Variants in MTREX observed in about 807,000 individuals in gnomAD.
The protein encoded by MTREX is exosome RNA helicase MTR4.
MTREX carries 76 observed loss-of-function variants against 135.4 expected under a neutral mutation model. The ratio of observed to expected loss-of-function variants is 0.56; its 90% confidence interval spans 0.47 to 0.68. MTREX has a LOEUF of 0.68. Ranked by LOEUF, MTREX falls within the 30% of genes least tolerant of loss-of-function variation. The probability of loss-of-function intolerance (pLI) is 0.00; values close to 1 mark genes in which losing one functional copy is unlikely to be tolerated. For missense variants in MTREX, 920 were observed against 1,262.1 expected, an observed-to-expected ratio of 0.73 and a Z score of 4.11; for synonymous variants, 404 against 401.6, an observed-to-expected ratio of 1.01 and a Z score of -0.07.
intron 6 of MTREX, 42 bp from the exon 7 acceptor site, chr5:55,341,639 T>C (rs1229205019): frequency 2.7e-5 from 29 of 1,083,732 alleles, no homozygotes; most frequent in African/African-American, 4.8e-5. Flanking sequence ...TTAGCTGTTA[T>C]GTCAGAATCC....
chr5:55,422,921 A>G lies in MTREX; in HGVS notation c.3015A>G (p.Arg1005=). 1 of 1,614,132 alleles carries G rather than the reference A, an allele frequency of 6.2e-7. No individual in the cohort carries two copies. The highest frequency in any genetic ancestry group is 1.3e-5 in the African/African-American group (1 of 75,050). The change falls in exon 26 of 27, where the codon CGA becomes CGG. Residue 1005 remains arginine, a synonymous_variant. Transcript: ENST00000230640. Reference sequence around the variant, plus strand: ...TGAGGCGCCTGGAAGAATTGCTTCGACAAATGTGTCAAGCAGCAAAAGCCA... The same window carrying G: ...TGAGGCGCCTGGAAGAATTGCTTCGGCAAATGTGTCAAGCAGCAAAAGCCA... ...RCMRRLEELL[R]QMCQAAKAIG...
intron 16 of MTREX, among the ~76,000 whole-genome samples, chr5:55,375,556 T>C (rs1280857148): frequency 6.6e-6 from 1 of 152,228 alleles, no homozygotes; most frequent in East Asian, 1.9e-4. Context: ...ATCCTGTTCT[T>C]TTTTCAAGGT....
At chr5:55,335,596 T>C (rs1749542061) in intron 5 of MTREX, among the ~76,000 whole-genome samples, 2 of 152,112 alleles carry the variant, frequency 1.3e-5, no homozygotes, top group African/African-American at 4.8e-5. Context: ...AAATTACTCG[T>C]AAATTGTGTA....
chr5:55,381,071 G>A (rs189826435), intron 18 of MTREX, among the ~76,000 whole-genome samples: 2 of 152,026 alleles, frequency 1.3e-5, no homozygotes, highest in Non-Finnish European at 2.9e-5. Flanking sequence ...ACAGTTATTC[G>A]TAGTATTATT....
chr5:55,330,726 T>G (rs1749462598), intron 5 of MTREX, among the ~76,000 whole-genome samples: 1 of 151,992 alleles, frequency 6.6e-6, no homozygotes, highest in South Asian at 2.1e-4. Context: ...GTGGATTTAT[T>G]ATAGTTTTCA....
intron 1 of MTREX, among the ~76,000 whole-genome samples, chr5:55,314,143 T>C (rs977927728): frequency 2.0e-5 from 3 of 152,218 alleles, no homozygotes; most frequent in Non-Finnish European, 4.4e-5. Context: ...ATTTTATCTT[T>C]GGAATAGATT....
chr5:55,313,338 G>A (rs1246085140), intron 1 of MTREX, among the ~76,000 whole-genome samples: 1 of 152,060 alleles, frequency 6.6e-6, no homozygotes, highest in Non-Finnish European at 1.5e-5. Context: ...TAGTCAGGAG[G>A]CTGAGGTTGG....
intron 21 of MTREX, among the ~76,000 whole-genome samples, chr5:55,403,886 A>C (rs563902182): frequency 1.8e-4 from 27 of 152,306 alleles, no homozygotes; most frequent in South Asian, 1.7e-3. Flanking sequence ...AATATAAATA[A>C]TTGAAAAGAG....
At position 55,366,870 on chromosome 5, in the gene MTREX, T is replaced by A. The variant is rs1211302139; in HGVS notation, c.1805T>A (p.Val602Glu). ...FQHYRAIPGV[V>E]EKVKNSEEQY... Reference sequence around the variant, plus strand: ...CATTATAGAGCAATTCCAGGAGTAGTAGAGAGTAAGTATAAAATACCATAA... The same window carrying A: ...CATTATAGAGCAATTCCAGGAGTAGAAGAGAGTAAGTATAAAATACCATAA... The change falls in exon 16 of 27, where the codon GTA (valine) becomes GAA (glutamate). Residue 602 changes from valine to glutamate, a missense_variant. Val to Glu is a moderately radical substitution (Grantham distance 121). Coordinates refer to ENST00000230640, the MANE Select transcript of MTREX (RefSeq NM_015360.5). 1 of 1,603,814 alleles carries A rather than the reference T, an allele frequency of 6.2e-7. No individual in the cohort carries two copies. The highest frequency in any genetic ancestry group is 8.5e-7 in the Non-Finnish European group (1 of 1,174,818).
chr5:55,381,143 GTTTAAATC>G (rs1332316374), intron 18 of MTREX, among the ~76,000 whole-genome samples: 1 of 152,030 alleles, frequency 6.6e-6, no homozygotes, highest in Admixed American at 6.6e-5. Flanking sequence ...TGACCTAGTA[GTTTAAATC>G]TTTCTTCTGG....
chr5:55,332,661 TG>T (rs1749496015), intron 5 of MTREX, among the ~76,000 whole-genome samples: 1 of 152,216 alleles, frequency 6.6e-6, no homozygotes, highest in East Asian at 1.9e-4. Flanking sequence ...TCCTTTTAAC[TG>T]GGGCCCACCC....
intron 22 of MTREX, among the ~76,000 whole-genome samples, 196 bp from the exon 23 acceptor site, chr5:55,410,328 A>C (rs559251701): frequency 6.0e-4 from 91 of 152,204 alleles, no homozygotes; most frequent in Middle Eastern, 3.4e-3. Context: ...TGAAATCCCC[A>C]TTTTACATTG....
At chr5:55,345,019 A>G (rs1749707353) in intron 9 of MTREX, 75 bp from the exon 10 acceptor site, 1 of 816,994 alleles carries the variant, frequency 1.2e-6, no homozygotes. Flanking sequence ...TATTTGGGGA[A>G]GCCTTATGTA....
At position 55,327,557 on chromosome 5, in the gene MTREX, T is replaced by G. The variant is rs554548955; in HGVS notation, c.340-159T>G. On this transcript the variant is annotated intron_variant, in intron 3 of 26. Coordinates refer to ENST00000230640, the MANE Select transcript of MTREX (RefSeq NM_015360.5). ...TGAAACTAGCTTTTTGCCTTGTTCT[T>G]AAAGACAGTTATTTGATTTACAGTG... The G allele has an allele frequency of 6.9e-6, 4 of 576,794 alleles. 1 individual carries two copies. The South Asian group carries it at 9.4e-5, about 14-fold the overall frequency. 35.7% of individuals were successfully genotyped at this position (576,794 alleles called of 1,614,324 possible). A position where few individuals can be genotyped will look rare whatever the true frequency, so the allele number is the denominator to read the frequency against.
intron 22 of MTREX, 23 bp downstream of exon 22, chr5:55,405,611 G>T: frequency 1.3e-6 from 2 of 1,547,886 alleles, no homozygotes; most frequent in Non-Finnish European, 1.7e-6. Flanking sequence ...TATTGTTCTA[G>T]AAAGTTCATT....
At chr5:55,319,460 G>A (rs1394827557) in intron 1 of MTREX, among the ~76,000 whole-genome samples, 2 of 152,142 alleles carry the variant, frequency 1.3e-5, no homozygotes, top group African/African-American at 4.8e-5. Context: ...TGTAATTACA[G>A]GCTAGTTATC....
rs186744984 is a variant in MTREX at position 55,418,132 on chromosome 5, G to A, written c.2971+2000G>A. Among the ~76,000 whole-genome samples, 45 of 150,842 alleles carry A rather than the reference G, an allele frequency of 3.0e-4. 1 individual carries two copies. The East Asian group carries it at 8.4e-3, about 28-fold the overall frequency. On this transcript the variant is annotated intron_variant, in intron 25 of 26. Coordinates refer to ENST00000230640, the MANE Select transcript of MTREX (RefSeq NM_015360.5). ...GCCTGTAGTCCCAGCTACTCGGGAG[G>A]CTGAGGCAGGAGAATGGCGTGAACC...
chr5:55,390,085 C>T (rs1174009450), intron 19 of MTREX, among the ~76,000 whole-genome samples: 2 of 151,884 alleles, frequency 1.3e-5, no homozygotes, highest in Middle Eastern at 3.2e-3. Flanking sequence ...TTTTTATCAG[C>T]GTTTATAGAA....
intron 5 of MTREX, among the ~76,000 whole-genome samples, chr5:55,331,972 GTAT>G (rs1749484037): frequency 6.6e-6 from 1 of 152,044 alleles, no homozygotes; most frequent in African/African-American, 2.4e-5. Context: ...GATGTTTTCT[GTAT>G]TATTTTTAAT....
Sources: gnomAD v4.1 joint callset for allele counts (sites outside exome capture counted in the v4.1 genomes callset) on GRCh38, gnomAD v4.1.1 for gene constraint, MANE v1.5 for transcripts, NCBI Gene and HGNC (gene_info 2026-07-23, HGNC 2026-07-21) for gene names.